Variants in AGBL1 observed in about 807,000 individuals in gnomAD.
The protein encoded by AGBL1 is cytosolic carboxypeptidase 4.
In AGBL1, 130 loss-of-function variants were observed where a neutral mutation model predicts 118.9. The observed-to-expected ratio is 1.09, with a 90% CI of 0.95 to 1.26. The LOEUF (loss-of-function observed/expected upper bound fraction) is 1.26. AGBL1 is among the 50% of genes most tolerant of loss of function. The probability of loss-of-function intolerance (pLI) is 0.00; values close to 1 mark genes in which losing one functional copy is unlikely to be tolerated. For missense variants in AGBL1, 1,584 were observed against 1,298.1 expected, an observed-to-expected ratio of 1.22 and a Z score of -3.38; for synonymous variants, 555 against 478.9, an observed-to-expected ratio of 1.16 and a Z score of -2.08.
intron 5 of AGBL1, among the ~76,000 whole-genome samples, chr15:86,163,959 A>G (rs1384374316): frequency 6.6e-6 from 1 of 152,174 alleles, no homozygotes. Context: ...CACACCTCCC[A>G]AGAGCTCTAT....
chr15:86,670,691 A>C (rs547825848), intron 21 of AGBL1, among the ~76,000 whole-genome samples: 2 of 150,000 alleles, frequency 1.3e-5, no homozygotes, highest in African/African-American at 4.9e-5. Flanking sequence ...AGAATAGTAC[A>C]TATATATTAC....
At chr15:86,142,255 C>T (rs11856150) in intron 2 of AGBL1, among the ~76,000 whole-genome samples, 188 bp downstream of exon 2, 2 of 152,132 alleles carry the variant, frequency 1.3e-5, no homozygotes, top group Non-Finnish European at 2.9e-5. Flanking sequence ...TTTGTACTTG[C>T]ACTCCTCAGT....
chr15:87,005,148 G>C (rs946046022), intron 24 of AGBL1, among the ~76,000 whole-genome samples: 2 of 152,126 alleles, frequency 1.3e-5, no homozygotes, highest in African/African-American at 4.8e-5. Context: ...CAACTTTGGT[G>C]AATCTGACAA....
intron 18 of AGBL1, among the ~76,000 whole-genome samples, chr15:86,451,147 A>T (rs1010839030): frequency 6.6e-6 from 1 of 152,224 alleles, no homozygotes; most frequent in Non-Finnish European, 1.5e-5. Context: ...ATTATGTTTT[A>T]TGCCTGAACT....
chr15:86,745,053 T>A (rs1222340475), intron 22 of AGBL1, among the ~76,000 whole-genome samples: 1 of 152,130 alleles, frequency 6.6e-6, no homozygotes, highest in Non-Finnish European at 1.5e-5. Context: ...ATAGAGTATG[T>A]CTTTCCGTAG....
intron 23 of AGBL1, among the ~76,000 whole-genome samples, chr15:86,941,128 A>G (rs923266850): frequency 1.3e-5 from 2 of 152,244 alleles, no homozygotes; most frequent in Non-Finnish European, 2.9e-5. Flanking sequence ...GGTTCTAAGT[A>G]ACATGGAATC....
At chr15:86,540,465 G>A (rs2083478982) in intron 19 of AGBL1, among the ~76,000 whole-genome samples, 1 of 152,066 alleles carries the variant, frequency 6.6e-6, no homozygotes, top group Non-Finnish European at 1.5e-5. Flanking sequence ...CGTGGTGGCA[G>A]GCACCTGCAG....
At chr15:86,446,385 G>A (rs2082121548) in intron 18 of AGBL1, among the ~76,000 whole-genome samples, 1 of 152,178 alleles carries the variant, frequency 6.6e-6, no homozygotes, top group Admixed American at 6.5e-5. Context: ...GAAGCTCAAG[G>A]GAGCATTCTG....
At chr15:86,143,556 C>A (rs1246407871) in intron 2 of AGBL1, 143 bp from the exon 3 acceptor site, 3 of 975,582 alleles carry the variant, frequency 3.1e-6, no homozygotes, top group African/African-American at 3.3e-5. Flanking sequence ...AACTTTAACA[C>A]AGGTTGCTTC....
intron 22 of AGBL1, among the ~76,000 whole-genome samples, chr15:86,849,435 C>G (rs1207988647): frequency 3.3e-5 from 5 of 151,760 alleles, no homozygotes; most frequent in African/African-American, 4.8e-5. Context: ...ATCAGAATTA[C>G]TAGCAGCTAT....
At chr15:86,288,116 C>T (rs1021273476) in intron 16 of AGBL1, among the ~76,000 whole-genome samples, 1 of 152,056 alleles carries the variant, frequency 6.6e-6, no homozygotes, top group African/African-American at 2.4e-5. Context: ...GGCTTTAGAG[C>T]CTTGGAATCT....
chr15:86,589,488 T>C (rs530727701), intron 21 of AGBL1, among the ~76,000 whole-genome samples: 2 of 152,318 alleles, frequency 1.3e-5, no homozygotes, highest in East Asian at 3.9e-4. Flanking sequence ...TCGATATGCA[T>C]GCATTCTGGA....
chr15:86,206,108 C>T (rs1188306832), intron 5 of AGBL1, among the ~76,000 whole-genome samples: 1 of 152,134 alleles, frequency 6.6e-6, no homozygotes, highest in Non-Finnish European at 1.5e-5. Context: ...TGATGGTTTC[C>T]AGCTTCATCC....
intron 17 of AGBL1, among the ~76,000 whole-genome samples, chr15:86,378,900 G>GT (rs113439108): frequency 0.14 from 19,790 of 143,846 alleles, 1,347 homozygotes; most frequent in Admixed American, 0.18. Flanking sequence ...GATCACTTTA[G>GT]TTTTTTTTTT....
intron 17 of AGBL1, among the ~76,000 whole-genome samples, chr15:86,332,715 C>G (rs565686502): frequency 6.6e-6 from 1 of 151,414 alleles, no homozygotes; most frequent in Non-Finnish European, 1.5e-5. Flanking sequence ...TCATAGATGT[C>G]TACAGAATAC....
chr15:86,758,895 C>T (rs1440254233), intron 22 of AGBL1, among the ~76,000 whole-genome samples: 1 of 148,566 alleles, frequency 6.7e-6, no homozygotes, highest in African/African-American at 2.5e-5. Context: ...ATTGTTTGAG[C>T]CTGGGAGGCA....
At chr15:87,008,416 TC>T (rs2081525595) in intron 24 of AGBL1, among the ~76,000 whole-genome samples, 1 of 152,198 alleles carries the variant, frequency 6.6e-6, no homozygotes, top group African/African-American at 2.4e-5. Context: ...CTCCTTGCCT[TC>T]CGCCATGATT....
chr15:86,214,745 C>T (rs907157907), intron 5 of AGBL1, among the ~76,000 whole-genome samples: 3 of 152,196 alleles, frequency 2.0e-5, no homozygotes, highest in Non-Finnish European at 4.4e-5. Context: ...AAAACCATTT[C>T]TCCTTTGCAG....
At chr15:86,472,485 C>T (rs1323385832) in intron 18 of AGBL1, among the ~76,000 whole-genome samples, 1 of 152,182 alleles carries the variant, frequency 6.6e-6, no homozygotes, top group African/African-American at 2.4e-5. Context: ...AGTAGATGCA[C>T]TTCCTAACAT....
Sources: allele counts gnomAD v4.1 joint callset (sites outside exome capture counted in the v4.1 genomes callset), GRCh38; gene constraint gnomAD v4.1.1; transcripts MANE v1.5; gene names NCBI Gene and HGNC (gene_info 2026-07-23, HGNC 2026-07-21).